Variants in CDKL1 observed in about 807,000 individuals in gnomAD.
CDKL1 encodes cyclin-dependent kinase-like 1.
CDKL1 carries 41 observed loss-of-function variants against 42.0 expected under a neutral mutation model. That is an observed-to-expected ratio of 0.98 (90% CI 0.76 to 1.27). CDKL1 has a LOEUF of 1.27. CDKL1 is among the 50% of genes most tolerant of loss of function. CDKL1 has a pLI of 0.00. For missense variants in CDKL1, 394 were observed against 428.4 expected, an observed-to-expected ratio of 0.92 and a Z score of 0.71; for synonymous variants, 153 against 158.6, an observed-to-expected ratio of 0.96 and a Z score of 0.26.
intron 3 of CDKL1, among the ~76,000 whole-genome samples, chr14:50,346,656 T>G (rs953230767): frequency 2.3e-5 from 3 of 128,506 alleles, no homozygotes; most frequent in Admixed American, 7.4e-5. Flanking sequence ...TTTTTGGTTT[T>G]TTTTTTTTTT....
intron 3 of CDKL1, among the ~76,000 whole-genome samples, chr14:50,349,599 G>A (rs1172106351): frequency 1.3e-5 from 2 of 152,124 alleles, no homozygotes; most frequent in Non-Finnish European, 2.9e-5. Context: ...GGGTATCATC[G>A]CCATGCCCTC....
intron 6 of CDKL1, among the ~76,000 whole-genome samples, chr14:50,339,530 G>A (rs1023726775): frequency 3.9e-4 from 56 of 144,090 alleles, no homozygotes; most frequent in Non-Finnish European, 5.3e-4. Context: ...GGAAGAGAGG[G>A]AGGGAGGGAG....
At chr14:50,356,606 C>T (rs1027278113) in intron 3 of CDKL1, among the ~76,000 whole-genome samples, 4 of 152,192 alleles carry the variant, frequency 2.6e-5, no homozygotes. Context: ...CATGTTCTCA[C>T]TTATAAGTGG....
In CDKL1 at chr14:50,358,649, T is replaced by C. The variant is rs564888179; in HGVS notation, c.290+379A>G. ...TTTTTAACTAGTCTTTTTTTTTTTT[T>C]TTTTTTTTGAGACAGAGTCTCACCC... is the stretch of plus-strand genomic sequence containing the variant. On this transcript the variant is annotated intron_variant, in intron 3 of 9. Transcript: ENST00000395834. 2.9e-3 allele frequency among the ~76,000 whole-genome samples: 366 copies of C among 124,236 alleles called. 18 individuals are homozygous for C. Among genetic ancestry groups the C allele is most frequent in the Non-Finnish European group, 4.4e-3 (259 of 58,990 alleles). The allele number at this position is 124,236 out of a possible 152,430, so 81.5% of individuals were successfully genotyped here.
intron 3 of CDKL1, among the ~76,000 whole-genome samples, chr14:50,354,793 G>A (rs1200102767): frequency 1.3e-5 from 2 of 152,162 alleles, no homozygotes; most frequent in Non-Finnish European, 2.9e-5. Flanking sequence ...GAAGTTACAA[G>A]CATGTTAATA....
At chr14:50,384,601 T>G (rs981236728) in intron 2 of CDKL1, among the ~76,000 whole-genome samples, 6 of 149,614 alleles carry the variant, frequency 4.0e-5, no homozygotes, top group African/African-American at 1.5e-4. Flanking sequence ...TGATGGTGTG[T>G]AACATATTGA....
chr14:50,395,676 A>G lies in CDKL1; in HGVS notation c.168+25T>C, dbSNP rs2035376580. ...AGTGAAACCCTGTCTCGAAAAAGAA[A>G]AAAAAGGAAAAGTGAATCAATTACC... On this transcript the variant is annotated intron_variant, in intron 2 of 9. Transcript: ENST00000395834. 2.6e-6 allele frequency: 4 copies of G among 1,549,128 alleles called. No individual in the cohort carries two copies. In the South Asian group the frequency reaches 4.5e-5, roughly 17 times the overall value.
intron 2 of CDKL1, among the ~76,000 whole-genome samples, chr14:50,386,670 A>G (rs1288060149): frequency 6.6e-6 from 1 of 152,080 alleles, no homozygotes; most frequent in Non-Finnish European, 1.5e-5. Context: ...CATGCCTGTA[A>G]ACCCAGTACC....
At position 50,330,193 on chromosome 14, in the gene CDKL1, A is replaced by C; in HGVS notation, c.967-12T>G. 6.3e-7 allele frequency: 1 copy of C among 1,598,544 alleles called. No homozygotes were observed. Among genetic ancestry groups the C allele is most frequent in the Non-Finnish European group, 8.5e-7 (1 of 1,176,944 alleles). On this transcript the variant is annotated splice_polypyrimidine_tract_variant and intron_variant, in intron 9 of 9. Transcript: ENST00000395834. The stretch of plus-strand genomic sequence containing the variant: ...GGTAGGTACTGCAACTAAAAATGCA[A>C]AACACAGAATTAGGTTCAAAACTGT...
chr14:50,380,330 T>C (rs1389567922), intron 2 of CDKL1: 1 of 448,614 alleles, frequency 2.2e-6, no homozygotes, highest in East Asian at 6.6e-5. Flanking sequence ...ACTCACCTGG[T>C]AGACTCCTAT....
chr14:50,332,761 T>C (rs531974413), intron 8 of CDKL1: 937 of 1,144,360 alleles, frequency 8.2e-4, no homozygotes, highest in Admixed American at 1.7e-3. Flanking sequence ...TTAGCCAGTT[T>C]GGTCCCTTGC....
chr14:50,362,716 G>C (rs1291774167), intron 2 of CDKL1, among the ~76,000 whole-genome samples: 1 of 152,112 alleles, frequency 6.6e-6, no homozygotes, highest in East Asian at 1.9e-4. Flanking sequence ...GAGAACTTTT[G>C]TGTCTAGCTC....
At chr14:50,359,573 T>C (rs2034174139) in intron 2 of CDKL1, among the ~76,000 whole-genome samples, 1 of 152,138 alleles carries the variant, frequency 6.6e-6, no homozygotes, top group Non-Finnish European at 1.5e-5. Flanking sequence ...TAATATGTAA[T>C]TCTTACTTAG....
chr14:50,374,497 A>G (rs2034674866), intron 2 of CDKL1, among the ~76,000 whole-genome samples: 1 of 152,274 alleles, frequency 6.6e-6, no homozygotes, highest in African/African-American at 2.4e-5. Flanking sequence ...TAACTATATT[A>G]CAAATGTATG....
At chr14:50,335,786 C>A in intron 7 of CDKL1, 2 of 985,298 alleles carry the variant, frequency 2.0e-6, no homozygotes, top group Non-Finnish European at 2.4e-6. Flanking sequence ...GGTGCTGTGG[C>A]CAGCTTTCAC....
intron 2 of CDKL1, among the ~76,000 whole-genome samples, chr14:50,360,846 C>T (rs1231240284): frequency 6.7e-6 from 1 of 149,266 alleles, no homozygotes; most frequent in Non-Finnish European, 1.5e-5. Flanking sequence ...GTTCACTTAA[C>T]GTTATGTCCT....
Position 50,396,327 on chromosome 14 carries a change from G to A in CDKL1, c.-459C>T. On this transcript the variant is annotated splice_region_variant and 5_prime_UTR_variant, in exon 2 of 10. Coordinates refer to ENST00000395834, the MANE Select transcript of CDKL1 (RefSeq NM_004196.7). ...CACCCAACGATGAGTGTTTGTCACG[G>A]TCCTAGAACAGAACAGCACATGTTA... 1.0e-6 allele frequency: 1 copy of A among 999,554 alleles called. No homozygotes were observed. 61.9% of individuals were successfully genotyped at this position (999,554 alleles called of 1,614,324 possible). A position where few individuals can be genotyped will look rare whatever the true frequency, so the allele number is the denominator to read the frequency against.
At chr14:50,380,254 A>C (rs747793658) in intron 2 of CDKL1, 1 of 530,442 alleles carries the variant, frequency 1.9e-6, no homozygotes, top group Non-Finnish European at 3.9e-6. Flanking sequence ...GAGAAAATGC[A>C]GTGATGAGTA....
Position 50,340,454 on chromosome 14 carries a change from GT to G in CDKL1, c.655+577del, listed in dbSNP as rs113790612. 8.6e-3 allele frequency among the ~76,000 whole-genome samples: 1,304 copies of G among 151,686 alleles called. 14 individuals are homozygous for G. Among genetic ancestry groups the G allele is most frequent in the African/African-American group, 0.029 (1,220 of 41,356 alleles). On this transcript the variant is annotated intron_variant, in intron 6 of 9. Coordinates refer to ENST00000395834, the MANE Select transcript of CDKL1 (RefSeq NM_004196.7). ...GGAAGAGGGCAATCACTACTGATGGGTTTTTTTTTCTCATCTTCCCTCCCTT... is the reference window on the plus strand; with the variant it reads ...GGAAGAGGGCAATCACTACTGATGGGTTTTTTTTCTCATCTTCCCTCCCTT...
Sources: allele counts gnomAD v4.1 joint callset (sites outside exome capture counted in the v4.1 genomes callset), GRCh38; gene constraint gnomAD v4.1.1; transcripts MANE v1.5; gene names NCBI Gene and HGNC (gene_info 2026-07-23, HGNC 2026-07-21).